KDM5A: variants seen among roughly 807,000 people sequenced by gnomAD.
KDM5A encodes lysine demethylase 5A.
Under a neutral mutation model 193.5 loss-of-function variants are expected in KDM5A, and 42 were observed. The observed-to-expected ratio is 0.22, with a 90% CI of 0.17 to 0.28. KDM5A has a LOEUF of 0.28. KDM5A is among the 10% of genes least tolerant of loss of function. KDM5A has a pLI of 1.00. For missense variants in KDM5A, 1,692 were observed against 2,055.1 expected, an observed-to-expected ratio of 0.82 and a Z score of 3.42; for synonymous variants, 796 against 718.1, an observed-to-expected ratio of 1.11 and a Z score of -1.73.
At chr12:370,002 G>A (rs1362901698) in intron 3 of KDM5A, among the ~76,000 whole-genome samples, 2 of 152,254 alleles carry the variant, frequency 1.3e-5, no homozygotes, top group Admixed American at 6.5e-5. Flanking sequence ...TTGGCTCCAC[G>A]CATACAATAC....
In KDM5A at chr12:309,660, A is replaced by T. The variant is rs140512916; in HGVS notation, c.3378+143T>A. ...TTGTATATCTTGATTATAAATATTTACTTTTAATGTGAAATATGTATAATC... is the reference window on the plus strand; with the variant it reads ...TTGTATATCTTGATTATAAATATTTTCTTTTAATGTGAAATATGTATAATC... On this transcript the variant is annotated intron_variant, in intron 22 of 27. Transcript: ENST00000399788. 488 of 850,300 alleles carry T rather than the reference A, an allele frequency of 5.7e-4. 4 individuals are homozygous for T. The East Asian group carries it at 0.012, about 22-fold the overall frequency. 52.7% of individuals were successfully genotyped at this position (850,300 alleles called of 1,614,324 possible). A position where few individuals can be genotyped will look rare whatever the true frequency, so the allele number is the denominator to read the frequency against.
intron 8 of KDM5A, 132 bp from the exon 9 acceptor site, chr12:352,456 A>C (rs1944175565): frequency 1.3e-6 from 1 of 779,816 alleles, no homozygotes; most frequent in Non-Finnish European, 2.2e-6. Context: ...CAACAAAACA[A>C]ATATCAGCTA....
chr12:327,449 C>G (rs2137417167), intron 14 of KDM5A, among the ~76,000 whole-genome samples: 1 of 152,316 alleles, frequency 6.6e-6, no homozygotes, highest in East Asian at 1.9e-4. Flanking sequence ...GTGGTTCACA[C>G]CTGTAATCCC....
In KDM5A at chr12:280,970, T is replaced by C. The variant is rs931517004; in HGVS notation, c.*4486A>G. The stretch of plus-strand genomic sequence containing the variant: ...GCACAGGTCAAAGGTGGCTCCCATA[T>C]ACTCACTAGTTTTCCTCAGGATTAT... On this transcript the variant is annotated 3_prime_UTR_variant, in exon 28 of 28. Coordinates refer to ENST00000399788, the MANE Select transcript of KDM5A (RefSeq NM_001042603.3). The C allele has an allele frequency of 1.3e-5, 3 of 232,924 alleles. No individual in the cohort carries two copies. Among genetic ancestry groups the C allele is most frequent in the African/African-American group, 6.6e-5 (3 of 45,340 alleles). 14.4% of individuals were successfully genotyped at this position (232,924 alleles called of 1,614,324 possible).
chr12:363,815 G>C (rs1378426404), intron 4 of KDM5A, among the ~76,000 whole-genome samples: 1 of 152,004 alleles, frequency 6.6e-6, no homozygotes, highest in Non-Finnish European at 1.5e-5. Flanking sequence ...AAAATGAAAA[G>C]ATAACAGACT....
chr12:361,682 T>C (rs982668016), intron 5 of KDM5A, among the ~76,000 whole-genome samples: 3 of 152,110 alleles, frequency 2.0e-5, no homozygotes, highest in African/African-American at 7.2e-5. Context: ...TTTACCCAAA[T>C]CACTGTATAC....
At chr12:367,700 T>C (rs1255981608) in intron 3 of KDM5A, among the ~76,000 whole-genome samples, 1 of 147,888 alleles carries the variant, frequency 6.8e-6, no homozygotes, top group African/African-American at 2.6e-5. Flanking sequence ...AGACTCCATC[T>C]CCGAAAAAAA....
At position 325,391 on chromosome 12, in the gene KDM5A, A is replaced by AT. The variant is rs202068753; in HGVS notation, c.1969-1611dup. ...CTAAAAGACACTCTGGAAAAAATAT[A>AT]TTTTTTTTGTTCCAGGTGCCGTGGC... On this transcript the variant is annotated intron_variant, in intron 14 of 27. Transcript: ENST00000399788. 1.3e-4 allele frequency among the ~76,000 whole-genome samples: 20 copies of AT among 152,110 alleles called. No homozygotes were observed. In the South Asian group the frequency reaches 3.5e-3, roughly 27 times the overall value.
Position 318,228 on chromosome 12 carries a change from C to A in KDM5A, c.2775G>T (p.Leu925=). Residue 925 remains leucine (L), a synonymous_variant, in exon 19 of 28, where the codon CTG becomes CTT. Coordinates refer to ENST00000399788, the MANE Select transcript of KDM5A (RefSeq NM_001042603.3). ...QQVTLDVMKK[L]IDSGVGLAPH... ...GTGCCAACCCTACCCCAGAGTCTAT[C>A]AGCTTCTTCATGACATCCAAAGTGA... 1.2e-6 allele frequency: 2 copies of A among 1,614,166 alleles called. No homozygotes were observed. The highest frequency in any genetic ancestry group is 1.7e-6 in the Non-Finnish European group (2 of 1,180,028).
intron 10 of KDM5A, among the ~76,000 whole-genome samples, chr12:334,882 C>T (rs1038228228): frequency 2.0e-5 from 3 of 152,078 alleles, no homozygotes; most frequent in Admixed American, 6.5e-5. Flanking sequence ...AGAAAGTCAC[C>T]GCCATCACTC....
At chr12:315,794 A>G (rs1040754474) in intron 19 of KDM5A, among the ~76,000 whole-genome samples, 4 of 152,152 alleles carry the variant, frequency 2.6e-5, no homozygotes, top group African/African-American at 9.7e-5. Flanking sequence ...TAAAGAAACA[A>G]AGGAGGAGGC....
chr12:337,234 G>C (rs1282565505), intron 10 of KDM5A, among the ~76,000 whole-genome samples: 1 of 152,188 alleles, frequency 6.6e-6, no homozygotes, highest in Non-Finnish European at 1.5e-5. Context: ...CATGCTACCT[G>C]TTCAGCCTGT....
chr12:313,467 G>T (rs1943614594), intron 19 of KDM5A, among the ~76,000 whole-genome samples: 1 of 152,038 alleles, frequency 6.6e-6, no homozygotes, highest in Non-Finnish European at 1.5e-5. Flanking sequence ...ATTTTCCCCG[G>T]TCATTTAGTG....
chr12:387,364 A>C (rs1256326056), intron 1 of KDM5A: 1 of 234,686 alleles, frequency 4.3e-6, no homozygotes, highest in Non-Finnish European at 8.6e-6. Context: ...TTAAGTAAAA[A>C]AACTTTTTTT....
chr12:326,064 C>T (rs748762049), intron 14 of KDM5A, among the ~76,000 whole-genome samples: 7 of 152,094 alleles, frequency 4.6e-5, no homozygotes, highest in Non-Finnish European at 7.3e-5. Context: ...AGTTTTTACA[C>T]GATGGTCCTG....
intron 1 of KDM5A, 123 bp from the exon 2 acceptor site, chr12:386,097 T>C: frequency 1.4e-6 from 1 of 701,492 alleles, no homozygotes. Context: ...ACAAGTCTTC[T>C]TTATTATAGA....
At chr12:337,728 C>T (rs1943952446) in intron 10 of KDM5A, among the ~76,000 whole-genome samples, 1 of 151,474 alleles carries the variant, frequency 6.6e-6, no homozygotes, top group South Asian at 2.1e-4. Context: ...CTGCAACCTC[C>T]ACCTCCTGGG....
intron 1 of KDM5A, 137 bp downstream of exon 1, chr12:388,790 C>A: frequency 1.8e-6 from 2 of 1,127,468 alleles, no homozygotes; most frequent in Non-Finnish European, 2.7e-6. Context: ...GAGGCAAAAA[C>A]ATCCAGAAAC....
At position 355,160 on chromosome 12, in the gene KDM5A, A is replaced by G. The variant is rs1195599082; in HGVS notation, c.868T>C (p.Phe290Leu). 1 of 1,586,604 alleles carries G rather than the reference A, an allele frequency of 6.3e-7. No individual in the cohort carries two copies. The highest frequency in any genetic ancestry group is 8.7e-7 in the Non-Finnish European group (1 of 1,154,974). Residue 290 changes from phenylalanine (F) to leucine (L), a missense_variant and splice_region_variant, in exon 7 of 28, where the codon TTT becomes CTT. Physicochemically the swap from Phe to Leu is conservative, Grantham distance 22. Coordinates refer to ENST00000399788, the MANE Select transcript of KDM5A (RefSeq NM_001042603.3). ...RQRKGTLSVN[F>L]VDLYVCMFCG... ...CTGACAGACCCCAAAACACTTACAA[A>G]GTTAACAGAGAGAGTGCCTTTCCGT...
Sources: gnomAD v4.1 joint callset for allele counts (sites outside exome capture counted in the v4.1 genomes callset) on GRCh38, gnomAD v4.1.1 for gene constraint, MANE v1.5 for transcripts, NCBI Gene and HGNC (gene_info 2026-07-23, HGNC 2026-07-21) for gene names.